The following SLC38A8 variants were observed in gnomAD, a reference collection of about 807,000 sequenced individuals.
The protein encoded by SLC38A8 is solute carrier family 38 member 8.
Under a neutral mutation model 46.0 loss-of-function variants are expected in SLC38A8, and 65 were observed. The ratio of observed to expected loss-of-function variants is 1.41; its 90% confidence interval spans 1.16 to 1.74. The LOEUF (loss-of-function observed/expected upper bound fraction) is 1.74. Among genes scored for constraint, SLC38A8 ranks in the 40% most tolerant of loss-of-function variants. SLC38A8 has a pLI of 0.00. For synonymous variants in SLC38A8, 447 were observed against 243.7 expected (o/e 1.83, Z -7.77); for missense variants, 998 against 567.9 (o/e 1.76, Z -7.70).
At chr16:84,035,899 G>C (rs1490395565) in intron 3 of SLC38A8, among the ~76,000 whole-genome samples, 3 of 152,224 alleles carry the variant, frequency 2.0e-5, no homozygotes, top group Non-Finnish European at 4.4e-5. Flanking sequence ...AGATTAATAT[G>C]GTTGCAATGA....
chr16:84,017,282 A>G lies in SLC38A8; in HGVS notation c.811T>C (p.Tyr271His). 2 of 1,614,062 alleles carry G rather than the reference A, an allele frequency of 1.2e-6. No individual in the cohort carries two copies. The highest frequency in any genetic ancestry group is 1.7e-6 in the Non-Finnish European group (2 of 1,180,018). Residue 271 changes from tyrosine to histidine, a missense_variant, in exon 8 of 11, where the codon TAT becomes CAT. Tyr to His is a moderately conservative substitution (Grantham distance 83, BLOSUM62 2). Transcript: ENST00000299709. ...CCLIYSLTGVYGFLTFGTEVS... is the reference protein window; with the variant it reads ...CCLIYSLTGVHGFLTFGTEVS... ...TCTGTCCCAAAAGTCAGGAAGCCATAAACCCCTGAAGGTGGGAAAGGATGG... is the reference window on the plus strand; with the variant it reads ...TCTGTCCCAAAAGTCAGGAAGCCATGAACCCCTGAAGGTGGGAAAGGATGG...
chr16:84,036,091 G>A (rs899550451), intron 3 of SLC38A8, among the ~76,000 whole-genome samples: 2 of 152,282 alleles, frequency 1.3e-5, no homozygotes, highest in Non-Finnish European at 2.9e-5. Context: ...CAGACTCCCT[G>A]ACCATGATGC....
In SLC38A8 at chr16:84,016,606, G is replaced by C. The variant is rs2085028933; in HGVS notation, c.1075C>G (p.Leu359Val). 2 of 1,613,878 alleles carry C rather than the reference G, an allele frequency of 1.2e-6. No individual in the cohort carries two copies. The highest frequency in any genetic ancestry group is 8.5e-7 in the Non-Finnish European group (1 of 1,180,046). The change falls in exon 9 of 11, where the codon CTC becomes GTC. Residue 359 changes from leucine (L) to valine (V), a missense_variant. Transcript: ENST00000299709. ...TCAGGCATAAACAGCGCCATGGCGA[G>C]CGTCACGGTGACCCACAGGATGGTC... ...PLTILWVTVT[L>V]AMALFMPDLS...
At chr16:84,039,377 G>C (rs1049086450) in intron 2 of SLC38A8, among the ~76,000 whole-genome samples, 1 of 152,172 alleles carries the variant, frequency 6.6e-6, no homozygotes, top group Admixed American at 6.5e-5. Context: ...CTGAAGACTG[G>C]GTGGTATCCT....
intron 3 of SLC38A8, among the ~76,000 whole-genome samples, chr16:84,035,734 C>T (rs1456996245): frequency 6.6e-6 from 1 of 152,200 alleles, no homozygotes; most frequent in African/African-American, 2.4e-5. Flanking sequence ...GATTTAATGC[C>T]AGAGATAAAG....
At position 84,016,565 on chromosome 16, in the gene SLC38A8, G is replaced by C; in HGVS notation, c.1116C>G (p.Val372=). 6.2e-7 allele frequency: 1 copy of C among 1,614,110 alleles called. No homozygotes were observed. Among genetic ancestry groups the C allele is most frequent in the South Asian group, 1.1e-5 (1 of 91,084 alleles). ...ALFMPDLSEI[V]SIIGGISSFF... ...AGGAACTGATGCCTCCGATGATGCT[G>C]ACGATCTCGCTGAGGTCAGGCATAA... The change falls in exon 9 of 11, where the codon GTC becomes GTG. Residue 372 remains valine (V), a synonymous_variant. Transcript: ENST00000299709.
intron 10 of SLC38A8, among the ~76,000 whole-genome samples, chr16:84,011,205 C>G (rs938735913): frequency 6.6e-6 from 1 of 152,142 alleles, no homozygotes; most frequent in African/African-American, 2.4e-5. Flanking sequence ...TGGAGCAGCG[C>G]TGATGTATTA....
chr16:84,011,670 G>A (rs1337962397), intron 10 of SLC38A8, among the ~76,000 whole-genome samples: 4 of 152,226 alleles, frequency 2.6e-5, no homozygotes, highest in African/African-American at 4.8e-5. Context: ...AAGATCTTGA[G>A]AGAAGATACA....
chr16:84,025,069 T>C (rs74032400), intron 6 of SLC38A8, among the ~76,000 whole-genome samples: 16 of 152,132 alleles, frequency 1.1e-4, no homozygotes, highest in Non-Finnish European at 1.5e-4. Context: ...GTCGTGGACA[T>C]TGGTGATTCA....
chr16:84,032,728 T>C (rs746976705), intron 4 of SLC38A8, among the ~76,000 whole-genome samples: 1 of 152,188 alleles, frequency 6.6e-6, no homozygotes, highest in Non-Finnish European at 1.5e-5. Context: ...ACAATGTCTA[T>C]TGTTCATACA....
intron 7 of SLC38A8, among the ~76,000 whole-genome samples, chr16:84,022,303 G>C (rs990065755): frequency 1.3e-5 from 2 of 152,162 alleles, no homozygotes; most frequent in Non-Finnish European, 2.9e-5. Flanking sequence ...ACGATCCTGC[G>C]TGTCACAGCC....
At chr16:84,018,955 G>C (rs899471133) in intron 7 of SLC38A8, among the ~76,000 whole-genome samples, 4 of 152,118 alleles carry the variant, frequency 2.6e-5, no homozygotes, top group Non-Finnish European at 5.9e-5. Flanking sequence ...CCCGCTTCCA[G>C]TGATGAGGAC....
Position 84,036,753 on chromosome 16 carries a change from G to T in SLC38A8, c.337C>A (p.Leu113Ile). The change falls in exon 3 of 11, where the codon CTC (leucine) becomes ATC (isoleucine). Residue 113 changes from leucine (L) to isoleucine (I), a missense_variant. Coordinates refer to ENST00000299709, the MANE Select transcript of SLC38A8 (RefSeq NM_001080442.3). ...LCEACFLLNL[L>I]MISVAFLRVI... ...CTGAGGAAGGCCACGGAGATCATGAGCAGGTTGAGGAGGAAGCAGGCCTCA... is the reference window on the plus strand; with the variant it reads ...CTGAGGAAGGCCACGGAGATCATGATCAGGTTGAGGAGGAAGCAGGCCTCA... 1.2e-6 allele frequency: 2 copies of T among 1,614,240 alleles called. No individual in the cohort carries two copies. The highest frequency in any genetic ancestry group is 1.7e-6 in the Non-Finnish European group (2 of 1,180,042).
intron 3 of SLC38A8, among the ~76,000 whole-genome samples, chr16:84,033,985 A>AG (rs2085275012): frequency 6.6e-6 from 1 of 152,232 alleles, no homozygotes; most frequent in African/African-American, 2.4e-5. Flanking sequence ...GAGTTAGTAC[A>AG]GGGCCAGGCT....
chr16:84,025,267 G>A (rs951030620), intron 6 of SLC38A8, among the ~76,000 whole-genome samples: 5 of 152,168 alleles, frequency 3.3e-5, no homozygotes, highest in Admixed American at 6.5e-5. Context: ...AACGTGCCAA[G>A]GCCTCATTCC....
upstream of SLC38A8, among the ~76,000 whole-genome samples, chr16:84,043,290 G>A (rs960204485): frequency 4.6e-5 from 7 of 152,184 alleles, no homozygotes; most frequent in African/African-American, 1.4e-4. Flanking sequence ...ACAGAATATC[G>A]GAGACGGCCC....
At chr16:84,030,624 G>A (rs908080111) in intron 5 of SLC38A8, among the ~76,000 whole-genome samples, 10 of 152,080 alleles carry the variant, frequency 6.6e-5, no homozygotes, top group African/African-American at 2.2e-4. Context: ...CCAGGAAACA[G>A]CATCTCCATC....
upstream of SLC38A8, among the ~76,000 whole-genome samples, chr16:84,042,896 C>T (rs528195250): frequency 1.3e-5 from 2 of 152,288 alleles, no homozygotes; most frequent in East Asian, 3.9e-4. Context: ...TCTCAGCTGC[C>T]CTGGAGGGTG....
intron 6 of SLC38A8, among the ~76,000 whole-genome samples, chr16:84,024,607 C>A (rs1307624742): frequency 1.3e-5 from 2 of 151,994 alleles, no homozygotes; most frequent in African/African-American, 2.4e-5. Flanking sequence ...ATGGTGAAAC[C>A]CCGTCTCTAC....
Sources: gnomAD v4.1 joint callset for allele counts (sites outside exome capture counted in the v4.1 genomes callset) on GRCh38, gnomAD v4.1.1 for gene constraint, MANE v1.5 for transcripts, NCBI Gene and HGNC (gene_info 2026-07-23, HGNC 2026-07-21) for gene names.